The following DPP10 variants were observed in gnomAD, a reference collection of about 807,000 sequenced individuals.
The protein encoded by DPP10 is dipeptidyl peptidase like 10.
A neutral mutation model predicts 120.9 loss-of-function variants in DPP10; 33 were observed. The ratio of observed to expected loss-of-function variants is 0.27; its 90% CI spans 0.21 to 0.37. The LOEUF (loss-of-function observed/expected upper bound fraction) is 0.37, where lower values mean the gene tolerates loss of function less well. Among genes scored for constraint, DPP10 ranks in the 10% least tolerant of loss-of-function variants. The probability of loss-of-function intolerance (pLI) is 1.00; values close to 1 mark genes in which losing one functional copy is unlikely to be tolerated. For missense variants in DPP10, 816 were observed against 942.8 expected, an observed-to-expected ratio of 0.87 and a Z score of 1.76; for synonymous variants, 337 against 326.1, an observed-to-expected ratio of 1.03 and a Z score of -0.36.
At chr2:114,845,599 G>A (rs1239706647) in intron 1 of DPP10, among the ~76,000 whole-genome samples, 4 of 152,108 alleles carry the variant, frequency 2.6e-5, no homozygotes, top group Admixed American at 2.0e-4. Context: ...AGCAACTTCA[G>A]TGTCGGCAGG....
intron 1 of DPP10, among the ~76,000 whole-genome samples, chr2:114,924,519 C>T (rs1695449955): frequency 6.9e-6 from 1 of 144,956 alleles, no homozygotes; most frequent in Non-Finnish European, 1.5e-5. Context: ...GAGTGAGAAT[C>T]TGTCTCAAAA....
At chr2:115,420,054 C>T (rs843384) in intron 3 of DPP10, among the ~76,000 whole-genome samples, 59 of 152,120 alleles carry the variant, frequency 3.9e-4, no homozygotes, top group Non-Finnish European at 7.3e-4. Flanking sequence ...AAATGCCAAA[C>T]GTAAATTATT....
At position 115,176,308 on chromosome 2, in the gene DPP10, ATTTG is replaced by A. The variant is rs2053687498; in HGVS notation, c.61-132928_61-132925del. Among the ~76,000 whole-genome samples, 3 of 147,614 alleles carry A rather than the reference ATTTG, an allele frequency of 2.0e-5. No homozygotes were observed. The Admixed American group carries it at 2.0e-4, about 10-fold the overall frequency. On this transcript the variant is annotated intron_variant, in intron 1 of 25. Transcript: ENST00000410059. Reference sequence around the variant, plus strand: ...TAAATATATTTATATATAAATATATATTTGTTATATATAAACATTTTATATTTAT... The same window carrying A: ...TAAATATATTTATATATAAATATATATTATATATAAACATTTTATATTTAT...
chr2:114,814,993 A>G (rs1340437590), intron 1 of DPP10, among the ~76,000 whole-genome samples: 1 of 152,144 alleles, frequency 6.6e-6, no homozygotes, highest in Non-Finnish European at 1.5e-5. Flanking sequence ...TGAGGGAGAC[A>G]GAGGAAAGCA....
intron 1 of DPP10, among the ~76,000 whole-genome samples, chr2:114,678,845 A>G (rs1426651045): frequency 1.3e-5 from 2 of 152,066 alleles, no homozygotes; most frequent in East Asian, 3.9e-4. Context: ...TATCATCATG[A>G]TTGTATATTC....
chr2:115,552,122 G>A (rs2079912952), intron 5 of DPP10, among the ~76,000 whole-genome samples: 1 of 152,068 alleles, frequency 6.6e-6, no homozygotes, highest in East Asian at 1.9e-4. Flanking sequence ...TTTTATCAAT[G>A]AAACAAAGTA....
At position 115,399,257 on chromosome 2, in the gene DPP10, A is replaced by G. The variant is rs576199823; in HGVS notation, c.271+55345A>G. ...AAACTGAGATCTAGTGATTTTAAAT[A>G]ACACACACAAAAGAGAAGTATTGGG... On this transcript the variant is annotated intron_variant, in intron 3 of 25. Transcript: ENST00000410059. Among the ~76,000 whole-genome samples the G allele has an allele frequency of 1.8e-4, 27 of 152,310 alleles. No individual in the cohort carries two copies. The South Asian group carries it at 5.6e-3, about 32-fold the overall frequency.
In DPP10 at chr2:115,689,706, C is replaced by T. The variant is rs748758329; in HGVS notation, c.461C>T (p.Thr154Ile). ...DVKQIFHYSY[T>I]ASYVIYNIHT... ...TTTCAGATTTTTCATTATTCGTATA[C>T]TGCTTCATATGTGATTTACAACATA... The change falls in exon 6 of 26, where the codon ACT (threonine) becomes ATT (isoleucine). Residue 154 changes from threonine (T) to isoleucine (I), a missense_variant. Thr to Ile is a moderately conservative substitution (Grantham distance 89, BLOSUM62 -1). Coordinates refer to ENST00000410059, the MANE Select transcript of DPP10 (RefSeq NM_020868.6). 7 of 1,580,854 alleles carry T rather than the reference C, an allele frequency of 4.4e-6. No homozygotes were observed. Among genetic ancestry groups the T allele is most frequent in the South Asian group, 1.1e-5 (1 of 88,350 alleles).
intron 1 of DPP10, among the ~76,000 whole-genome samples, chr2:115,108,939 C>T (rs13033856): frequency 6.6e-6 from 1 of 151,950 alleles, no homozygotes; most frequent in Non-Finnish European, 1.5e-5. Context: ...CAGATGTGGC[C>T]CCTGCTGTAT....
chr2:114,532,374 T>TAC (rs762615135), intron 1 of DPP10, among the ~76,000 whole-genome samples: 22 of 149,836 alleles, frequency 1.5e-4, no homozygotes, highest in Non-Finnish European at 3.3e-4. Flanking sequence ...TATGTATATA[T>TAC]ACACACATAT....
chr2:115,642,052 GTAAT>G (rs1234247268), intron 5 of DPP10, among the ~76,000 whole-genome samples: 3 of 152,120 alleles, frequency 2.0e-5, no homozygotes, highest in Admixed American at 6.6e-5. Flanking sequence ...AAGATTTTCA[GTAAT>G]TAGATAGGAG....
At chr2:114,897,511 C>T in intron 1 of DPP10, among the ~76,000 whole-genome samples, 1 of 152,146 alleles carries the variant, frequency 6.6e-6, no homozygotes, top group Non-Finnish European at 1.5e-5. Context: ...TCTAATTAAA[C>T]TAAAGAGCTT....
At chr2:114,946,135 G>A (rs978075262) in intron 1 of DPP10, among the ~76,000 whole-genome samples, 2 of 152,166 alleles carry the variant, frequency 1.3e-5, no homozygotes, top group Admixed American at 6.5e-5. Context: ...TGGTACAGAA[G>A]AAAGAACTTA....
chr2:114,633,232 A>G (rs527913245), intron 1 of DPP10, among the ~76,000 whole-genome samples: 1 of 138,304 alleles, frequency 7.2e-6, no homozygotes, highest in Non-Finnish European at 1.6e-5. Flanking sequence ...TATTTATTTC[A>G]TATTGGTTTT....
intron 3 of DPP10, among the ~76,000 whole-genome samples, chr2:115,358,581 A>T (rs917419482): frequency 1.3e-5 from 2 of 151,990 alleles, no homozygotes; most frequent in Non-Finnish European, 2.9e-5. Flanking sequence ...GACTGTTTTA[A>T]CCTGTGCCTG....
chr2:115,611,360 A>G (rs1472990184), intron 5 of DPP10, among the ~76,000 whole-genome samples: 1 of 152,206 alleles, frequency 6.6e-6, no homozygotes, highest in African/African-American at 2.4e-5. Context: ...GGAATGAAAT[A>G]TCATATTAGA....
intron 5 of DPP10, among the ~76,000 whole-genome samples, chr2:115,634,470 T>C (rs1420179878): frequency 6.6e-6 from 1 of 152,170 alleles, no homozygotes; most frequent in East Asian, 1.9e-4. Context: ...TCTTCTTTCA[T>C]AGGCGTGCTG....
chr2:114,701,641 GTTTA>G (rs761877798), intron 1 of DPP10, among the ~76,000 whole-genome samples: 78 of 152,182 alleles, frequency 5.1e-4, no homozygotes, highest in African/African-American at 1.8e-3. Context: ...TTTGACAGAA[GTTTA>G]TTTAATTCCT....
At chr2:115,373,620 T>C (rs1383737751) in intron 3 of DPP10, among the ~76,000 whole-genome samples, 1 of 152,038 alleles carries the variant, frequency 6.6e-6, no homozygotes, top group African/African-American at 2.4e-5. Context: ...CAAAAGAGCA[T>C]AGTCAATAGG....
Sources: allele counts gnomAD v4.1 joint callset (sites outside exome capture counted in the v4.1 genomes callset), GRCh38; gene constraint gnomAD v4.1.1; transcripts MANE v1.5; gene names NCBI Gene and HGNC (gene_info 2026-07-23, HGNC 2026-07-21).